NSG2: variants seen among roughly 807,000 people sequenced by gnomAD.
The protein encoded by NSG2 is neuronal vesicle trafficking associated 2.
In NSG2, 4 loss-of-function variants were observed where a neutral mutation model predicts 16.9. The ratio of observed to expected loss-of-function variants is 0.24; its 90% CI spans 0.12 to 0.54. The LOEUF is 0.54. Ranked by LOEUF, NSG2 falls within the 20% of genes least tolerant of loss-of-function variation. The pLI, the probability that NSG2 is intolerant of heterozygous loss-of-function variation, is 0.95. For synonymous variants in NSG2, 98 were observed against 88.7 expected (o/e 1.11, Z -0.59); for missense variants, 179 against 221.1 (o/e 0.81, Z 1.21).
chr5:174,085,065 C>A (rs1201233077), intron 3 of NSG2, among the ~76,000 whole-genome samples: 2 of 152,172 alleles, frequency 1.3e-5, no homozygotes, highest in African/African-American at 2.4e-5. Flanking sequence ...CTCACCAGAC[C>A]ATCTTGATGA....
chr5:174,097,347 A>G (rs951058741), intron 3 of NSG2, among the ~76,000 whole-genome samples: 16 of 151,940 alleles, frequency 1.1e-4, no homozygotes, highest in Middle Eastern at 3.4e-3. Flanking sequence ...GGGGTTGAGG[A>G]GAGGGAAGAG....
chr5:174,076,842 A>G (rs1478701698), intron 3 of NSG2, among the ~76,000 whole-genome samples: 3 of 152,198 alleles, frequency 2.0e-5, no homozygotes, highest in Non-Finnish European at 4.4e-5. Flanking sequence ...GATACATAGG[A>G]CAGCTCCTTA....
intron 2 of NSG2, among the ~76,000 whole-genome samples, chr5:174,057,871 G>A (rs1469271127): frequency 1.3e-5 from 2 of 152,136 alleles, no homozygotes; most frequent in Non-Finnish European, 2.9e-5. Context: ...CGATCTAGAG[G>A]GATCTTTCCC....
chr5:174,073,578 G>T (rs1018621471), intron 3 of NSG2, among the ~76,000 whole-genome samples: 2 of 152,152 alleles, frequency 1.3e-5, no homozygotes, highest in African/African-American at 4.8e-5. Flanking sequence ...AGGTGCTTTC[G>T]CCTGGCTTTG....
intron 2 of NSG2, among the ~76,000 whole-genome samples, chr5:174,063,190 CT>C (rs1252235454): frequency 1.3e-5 from 2 of 152,202 alleles, no homozygotes; most frequent in African/African-American, 4.8e-5. Context: ...TTATTTGTCT[CT>C]ATTTTACAGA....
intron 3 of NSG2, among the ~76,000 whole-genome samples, chr5:174,080,851 C>T (rs975772518): frequency 6.6e-6 from 1 of 152,142 alleles, no homozygotes; most frequent in African/African-American, 2.4e-5. Context: ...ATGTGAGCCA[C>T]CACGCCTGGC....
intron 3 of NSG2, among the ~76,000 whole-genome samples, chr5:174,098,381 C>T (rs991328829): frequency 1.3e-5 from 2 of 152,134 alleles, no homozygotes; most frequent in African/African-American, 4.8e-5. Flanking sequence ...GTGATATTGG[C>T]CTCCAAAGCC....
intron 2 of NSG2, among the ~76,000 whole-genome samples, chr5:174,050,316 G>T (rs1396753720): frequency 1.3e-5 from 2 of 152,202 alleles, no homozygotes; most frequent in Admixed American, 1.3e-4. Flanking sequence ...TTAGTAGTAT[G>T]AAATCTGAAT....
chr5:174,086,897 G>T (rs554461518), intron 3 of NSG2, among the ~76,000 whole-genome samples: 14 of 152,296 alleles, frequency 9.2e-5, no homozygotes, highest in African/African-American at 3.1e-4. Flanking sequence ...ATTAATTTGG[G>T]AAATGAATTA....
chr5:174,055,948 C>T (rs1448395521), intron 2 of NSG2: 4 of 152,210 alleles, frequency 2.6e-5, no homozygotes, highest in African/African-American at 9.7e-5. Flanking sequence ...ACCTTCAAGG[C>T]CCAGGAAAAA....
At chr5:174,090,278 C>A (rs954446003) in intron 3 of NSG2, among the ~76,000 whole-genome samples, 1 of 152,174 alleles carries the variant, frequency 6.6e-6, no homozygotes, top group Non-Finnish European at 1.5e-5. Flanking sequence ...GGAAACCAGG[C>A]ACAACCTTCC....
chr5:174,079,478 G>A (rs538943691), intron 3 of NSG2, among the ~76,000 whole-genome samples: 2 of 152,120 alleles, frequency 1.3e-5, no homozygotes, highest in South Asian at 4.2e-4. Flanking sequence ...GGCTGGTCTC[G>A]AACTCCTGAC....
intron 2 of NSG2, among the ~76,000 whole-genome samples, chr5:174,050,473 C>T (rs2113418045): frequency 6.6e-6 from 1 of 152,262 alleles, no homozygotes; most frequent in East Asian, 1.9e-4. Flanking sequence ...GATCTCAGTG[C>T]ACCCATTTCA....
intron 2 of NSG2, among the ~76,000 whole-genome samples, chr5:174,061,350 C>T (rs1471763545): frequency 6.6e-6 from 1 of 152,186 alleles, no homozygotes; most frequent in Non-Finnish European, 1.5e-5. Context: ...GTTCACAAAG[C>T]ACCTGCATGT....
Position 174,107,804 on chromosome 5 carries a change from T to C in NSG2, c.*299T>C, listed in dbSNP as rs975017182. On this transcript the variant is annotated 3_prime_UTR_variant, in exon 5 of 5. Coordinates refer to ENST00000303177, the MANE Select transcript of NSG2 (RefSeq NM_015980.5). This position sits in a 1 kb window ranked among gnomAD's most constrained non-coding sequence, Gnocchi z 4.5. ...TTTAAAGCCACTGCTTATTCTTTGT[T>C]AGGAAAATGTAACAGCAGAAAAGGA... The C allele has an allele frequency of 1.8e-6, 1 of 563,850 alleles. No individual in the cohort carries two copies. Among genetic ancestry groups the C allele is most frequent in the Non-Finnish European group, 3.3e-6 (1 of 299,104 alleles). 34.9% of individuals were successfully genotyped at this position (563,850 alleles called of 1,614,324 possible). A position where few individuals can be genotyped will look rare whatever the true frequency, so the allele number is the denominator to read the frequency against.
chr5:174,104,767 C>T (rs1215165101), intron 4 of NSG2, among the ~76,000 whole-genome samples: 1 of 152,116 alleles, frequency 6.6e-6, no homozygotes, highest in South Asian at 2.1e-4. Flanking sequence ...CCAAGTCTCC[C>T]CTTGACCCAC....
At chr5:174,077,907 AACAGT>A (rs1212270910) in intron 3 of NSG2, among the ~76,000 whole-genome samples, 3 of 152,162 alleles carry the variant, frequency 2.0e-5, no homozygotes, top group African/African-American at 7.2e-5. Flanking sequence ...ACAACATTCT[AACAGT>A]ACAGAAAGGC....
chr5:174,052,370 C>T (rs1561661033), intron 2 of NSG2, among the ~76,000 whole-genome samples: 1 of 151,992 alleles, frequency 6.6e-6, no homozygotes. Flanking sequence ...GCTTTCTCTG[C>T]TCCATTTGCC....
At position 174,066,694 on chromosome 5, in the gene NSG2, T is replaced by TAA. The variant is rs201020960; in HGVS notation, c.213+2387_213+2388dup. On this transcript the variant is annotated intron_variant, in intron 3 of 4. Coordinates refer to ENST00000303177, the MANE Select transcript of NSG2 (RefSeq NM_015980.5). ...AGAATTATTTTTAAGTGTGCTTTTT[T>TAA]AAAAAAAAACAGAGTGTTAGGCATT... Among the ~76,000 whole-genome samples the TAA allele has an allele frequency of 1.1e-3, 160 of 151,212 alleles. No homozygotes were observed. In the South Asian group the frequency reaches 0.015, roughly 14 times the overall value.
Sources: allele counts gnomAD v4.1 joint callset (sites outside exome capture counted in the v4.1 genomes callset), GRCh38; gene constraint gnomAD v4.1.1; non-coding constraint Gnocchi (gnomAD v3.1); transcripts MANE v1.5; gene names NCBI Gene and HGNC (gene_info 2026-07-23, HGNC 2026-07-21).